The following VDAC1 variants were observed in gnomAD, a reference collection of about 807,000 sequenced individuals.
VDAC1 encodes voltage dependent anion channel 1.
In VDAC1, 10 loss-of-function variants were observed where a neutral mutation model predicts 34.7. That is an observed-to-expected ratio of 0.29 (90% CI 0.18 to 0.49). VDAC1 has a LOEUF of 0.49. Ranked by LOEUF, VDAC1 falls within the 20% of genes least tolerant of loss-of-function variation. VDAC1 has a pLI of 0.99. For synonymous variants in VDAC1, 130 were observed against 136.0 expected (o/e 0.96, Z 0.30); for missense variants, 230 against 347.9 (o/e 0.66, Z 2.69).
the VDAC1 span, among the ~76,000 whole-genome samples, chr5:134,054,515 C>A: frequency 2.3e-5 from 3 of 129,700 alleles, no homozygotes; most frequent in Admixed American, 1.9e-4. Flanking sequence ...GGCTGGAGTG[C>A]AGTGGTGCCA....
intron 6 of VDAC1, 76 bp from the exon 7 acceptor site, chr5:133,976,097 C>T (rs1404789824): frequency 6.3e-7 from 1 of 1,579,020 alleles, no homozygotes; most frequent in Non-Finnish European, 8.7e-7. Context: ...ACCCAAGTCT[C>T]CCAGAAGACA....
chr5:134,103,398 C>T, the VDAC1 span, among the ~76,000 whole-genome samples: 1 of 152,182 alleles, frequency 6.6e-6, no homozygotes, highest in African/African-American at 2.4e-5. Context: ...GCTGGTATTA[C>T]AAGCATGAGC....
chr5:134,113,402 T>C, the VDAC1 span, among the ~76,000 whole-genome samples: 1 of 152,168 alleles, frequency 6.6e-6, no homozygotes, highest in Non-Finnish European at 1.5e-5. Context: ...GCCTAGCTCT[T>C]TGATCCACAG....
chr5:134,052,936 T>C, the VDAC1 span, among the ~76,000 whole-genome samples: 3 of 152,158 alleles, frequency 2.0e-5, no homozygotes, highest in Admixed American at 1.3e-4. Flanking sequence ...ACCAATATGG[T>C]GAAACCCTGT....
At chr5:134,106,112 G>A in the VDAC1 span, among the ~76,000 whole-genome samples, 1 of 152,230 alleles carries the variant, frequency 6.6e-6, no homozygotes, top group Non-Finnish European at 1.5e-5. Context: ...CCTGGAGACA[G>A]ACCATCCTGA....
the VDAC1 span, among the ~76,000 whole-genome samples, chr5:134,101,379 C>T: frequency 6.6e-6 from 1 of 152,116 alleles, no homozygotes; most frequent in Non-Finnish European, 1.5e-5. Flanking sequence ...CACCCGAGGT[C>T]AGTAGTTCGA....
At chr5:133,979,557 G>A (rs948697525) in intron 6 of VDAC1, among the ~76,000 whole-genome samples, 12 of 145,442 alleles carry the variant, frequency 8.3e-5, no homozygotes, top group Non-Finnish European at 1.5e-4. Context: ...AGCCTCCCAA[G>A]TAGCTGGGAT....
chr5:134,052,417 C>T, the VDAC1 span, among the ~76,000 whole-genome samples: 1 of 151,994 alleles, frequency 6.6e-6, no homozygotes, highest in Admixed American at 6.6e-5. Flanking sequence ...CAGCCTCGAC[C>T]TTGCAGGTTC....
chr5:134,000,418 C>A (rs575761028), intron 1 of VDAC1, among the ~76,000 whole-genome samples: 2 of 152,208 alleles, frequency 1.3e-5, no homozygotes, highest in African/African-American at 2.4e-5. Context: ...TCAGGGCAGC[C>A]TGCCCACCCA....
At chr5:133,996,197 G>C (rs2126996642) in intron 1 of VDAC1, among the ~76,000 whole-genome samples, 1 of 152,318 alleles carries the variant, frequency 6.6e-6, no homozygotes, top group Non-Finnish European at 1.5e-5. Context: ...TGTTCCCACT[G>C]GTTGGTAGGA....
chr5:133,980,940 T>G lies in VDAC1; in HGVS notation c.340A>C (p.Ile114Leu). 6.2e-7 allele frequency: 1 copy of G among 1,613,932 alleles called. No individual in the cohort carries two copies. The highest frequency in any genetic ancestry group is 2.2e-5 in the East Asian group (1 of 44,866). Residue 114 changes from isoleucine to leucine, a missense_variant, in exon 6 of 9, where the codon ATC becomes CTC. Coordinates refer to ENST00000265333, the MANE Select transcript of VDAC1 (RefSeq NM_003374.3). Reference protein sequence around the residue: ...SPNTGKKNAKIKTGYKREHIN... With the variant: ...SPNTGKKNAKLKTGYKREHIN... ...TGCTCCCGCTTGTACCCTGTCTTGA[T>G]TTTAGCATTTTTTTTCCTGAAGGAA...
chr5:133,992,962 G>C lies in VDAC1; in HGVS notation c.51C>G (p.Val17=). 1 of 1,613,736 alleles carries C rather than the reference G, an allele frequency of 6.2e-7. No individual in the cohort carries two copies. Among genetic ancestry groups the C allele is most frequent in the Non-Finnish European group, 8.5e-7 (1 of 1,179,730 alleles). ...YADLGKSARD[V]FTKGYGFGLI... ...AACACTCACCATAGCCCTTGGTGAA[G>C]ACATCCCTGGCAGATTTGCCAAGAT... Residue 17 remains valine (V), a synonymous_variant, in exon 2 of 9, where the codon GTC becomes GTG. Coordinates refer to ENST00000265333, the MANE Select transcript of VDAC1 (RefSeq NM_003374.3).
At chr5:134,040,062 C>T in the VDAC1 span, among the ~76,000 whole-genome samples, 6 of 152,326 alleles carry the variant, frequency 3.9e-5, no homozygotes, top group East Asian at 9.6e-4. Context: ...GGCTTCAGTT[C>T]CATGGGTCCA....
chr5:134,092,631 G>A, the VDAC1 span, among the ~76,000 whole-genome samples: 5 of 150,690 alleles, frequency 3.3e-5, no homozygotes, highest in East Asian at 7.8e-4. Flanking sequence ...AGCTGTGATC[G>A]TGCCACTGCA....
At chr5:134,013,264 G>A in the VDAC1 span, among the ~76,000 whole-genome samples, 15 of 152,098 alleles carry the variant, frequency 9.9e-5, no homozygotes, top group Admixed American at 2.0e-4. Flanking sequence ...GCAAAAACCC[G>A]TCTGTACAAA....
At chr5:134,053,542 G>A in the VDAC1 span, among the ~76,000 whole-genome samples, 5 of 152,190 alleles carry the variant, frequency 3.3e-5, no homozygotes, top group Non-Finnish European at 7.3e-5. Context: ...AGTCAGACCC[G>A]GAGGACCTCA....
chr5:133,987,020 C>T lies in VDAC1; in HGVS notation c.323+3835G>A, dbSNP rs376946036. On this transcript the variant is annotated intron_variant, in intron 5 of 8. Coordinates refer to ENST00000265333, the MANE Select transcript of VDAC1 (RefSeq NM_003374.3). ...GGGAAGAAGGAATAGCTCTTCCTTA[C>T]GGTAGAATACCAATTAACAAGTGAA... 2.9e-3 allele frequency among the ~76,000 whole-genome samples: 448 copies of T among 152,286 alleles called. 3 individuals are homozygous for T. Among genetic ancestry groups the T allele is most frequent in the African/African-American group, 9.4e-3 (389 of 41,544 alleles).
At chr5:134,096,018 C>G in the VDAC1 span, among the ~76,000 whole-genome samples, 1 of 152,258 alleles carries the variant, frequency 6.6e-6, no homozygotes, top group African/African-American at 2.4e-5. Flanking sequence ...GCTTCAGAAT[C>G]TGAGAACCAA....
intron 5 of VDAC1, among the ~76,000 whole-genome samples, chr5:133,983,559 T>G (rs920142987): frequency 2.6e-5 from 4 of 151,722 alleles, no homozygotes. Flanking sequence ...TAAAAAAAAA[T>G]AAAGGTTAAA....
Sources: gnomAD v4.1 joint callset for allele counts (sites outside exome capture counted in the v4.1 genomes callset) on GRCh38, gnomAD v4.1.1 for gene constraint, MANE v1.5 for transcripts, NCBI Gene and HGNC (gene_info 2026-07-23, HGNC 2026-07-21) for gene names.